Variants in RDX observed in about 807,000 individuals in gnomAD.
The protein encoded by RDX is radixin, also known as deafness, autosomal recessive 24.
Under a neutral mutation model 83.7 loss-of-function variants are expected in RDX, and 32 were observed. The observed-to-expected ratio is 0.38, with a 90% CI of 0.29 to 0.51. RDX has a LOEUF of 0.51. RDX is among the 20% of genes least tolerant of loss of function. The pLI, the probability that RDX is intolerant of heterozygous loss-of-function variation, is 0.87. For synonymous variants in RDX, 229 were observed against 222.7 expected (o/e 1.03, Z -0.25); for missense variants, 600 against 689.9 (o/e 0.87, Z 1.46).
At chr11:110,270,831 T>C (rs1224977170) in intron 3 of RDX, among the ~76,000 whole-genome samples, 1 of 152,250 alleles carries the variant, frequency 6.6e-6, no homozygotes, top group Non-Finnish European at 1.5e-5. Flanking sequence ...CCAAAGAGGA[T>C]AACTTGCTGA....
At chr11:110,252,277 T>C (rs142489364) in intron 9 of RDX, among the ~76,000 whole-genome samples, 1 of 152,284 alleles carries the variant, frequency 6.6e-6, no homozygotes, top group East Asian at 1.9e-4. Context: ...TCCACTTCCA[T>C]CTAAGCCTTA....
At chr11:110,294,484 T>C (rs1861365879) in intron 1 of RDX, among the ~76,000 whole-genome samples, 1 of 152,118 alleles carries the variant, frequency 6.6e-6, no homozygotes, top group African/African-American at 2.4e-5. Flanking sequence ...AAAGTGACCT[T>C]GATGGACAGT....
At chr11:110,240,939 T>C (rs1258563690) in intron 10 of RDX, among the ~76,000 whole-genome samples, 2 of 138,076 alleles carry the variant, frequency 1.4e-5, no homozygotes, top group Non-Finnish European at 1.6e-5. Context: ...GCCTGTAACC[T>C]CAGCTACTCA....
intron 15 of RDX, among the ~76,000 whole-genome samples, chr11:110,189,708 C>T (rs999783434): frequency 1.3e-5 from 2 of 152,196 alleles, no homozygotes; most frequent in Non-Finnish European, 2.9e-5. Context: ...GAAGATCTCT[C>T]AAAACCACAC....
At chr11:110,255,561 T>C (rs1859508959) in intron 7 of RDX, among the ~76,000 whole-genome samples, 176 bp from the exon 8 acceptor site, 1 of 152,148 alleles carries the variant, frequency 6.6e-6, no homozygotes, top group Non-Finnish European at 1.5e-5. Context: ...ATAAATCATA[T>C]AAAACAAACA....
chr11:110,196,314 T>C (rs1863207997), intron 15 of RDX: 1 of 152,170 alleles, frequency 6.6e-6, no homozygotes, highest in African/African-American at 2.4e-5. Flanking sequence ...TCATGGTTAG[T>C]TGATGGTTGA....
chr11:110,234,709 A>G (rs1277767480), intron 12 of RDX, among the ~76,000 whole-genome samples: 2 of 152,208 alleles, frequency 1.3e-5, no homozygotes, highest in Non-Finnish European at 2.9e-5. Flanking sequence ...ATAAACAAGT[A>G]GAGTAACTGG....
At chr11:110,256,072 A>T (rs1859535240) in intron 7 of RDX, among the ~76,000 whole-genome samples, 1 of 152,168 alleles carries the variant, frequency 6.6e-6, no homozygotes, top group Non-Finnish European at 1.5e-5. Flanking sequence ...TATTGGAATA[A>T]GTGATTTTGT....
At chr11:110,218,287 T>C (rs758115497) in intron 14 of RDX, among the ~76,000 whole-genome samples, 2 of 152,232 alleles carry the variant, frequency 1.3e-5, no homozygotes, top group Admixed American at 6.5e-5. Flanking sequence ...ACAACTACTC[T>C]AACTCAAAGA....
chr11:110,224,575 T>C (rs1241274567), downstream of RDX, among the ~76,000 whole-genome samples: 1 of 152,186 alleles, frequency 6.6e-6, no homozygotes, highest in Non-Finnish European at 1.5e-5. Flanking sequence ...CCAAATCCAT[T>C]TGTTCTTGCA....
chr11:110,263,588 C>T (rs1591164621), intron 5 of RDX, among the ~76,000 whole-genome samples: 1 of 149,986 alleles, frequency 6.7e-6, no homozygotes, highest in South Asian at 2.1e-4. Context: ...AGGCCAGGTG[C>T]GGTGGCTCAT....
Position 110,189,273 on chromosome 11 carries a change from AGGGCATTACAT to A in RDX, c.*31+10297_*31+10307del, listed in dbSNP as rs1488506202. ...AAAAAAAAAAAAAAAAAAAAAGACA[AGGGCATTACAT>A]AATGACAAAGGGATCAATTCAACAA... On this transcript the variant is annotated intron_variant, in intron 15 of 15. Transcript: ENST00000528498. 2.9e-3 allele frequency among the ~76,000 whole-genome samples: 419 copies of A among 145,386 alleles called. 10 individuals carry two copies. The highest frequency in any genetic ancestry group is 0.011 in the African/African-American group (392 of 37,156).
At chr11:110,181,164 CTTTTT>C (rs34297768) in intron 15 of RDX, among the ~76,000 whole-genome samples, 2 of 142,974 alleles carry the variant, frequency 1.4e-5, no homozygotes, top group Non-Finnish European at 1.5e-5. Context: ...AGGGCTGCAT[CTTTTT>C]TTTTTTTTTT....
At chr11:110,263,719 A>G (rs911791820) in intron 5 of RDX, among the ~76,000 whole-genome samples, 2 of 151,846 alleles carry the variant, frequency 1.3e-5, no homozygotes, top group Non-Finnish European at 2.9e-5. Context: ...TAAAAAAAAA[A>G]TTAGCGGACA....
intron 15 of RDX, among the ~76,000 whole-genome samples, chr11:110,186,779 G>A (rs1862997343): frequency 6.6e-6 from 1 of 152,164 alleles, no homozygotes; most frequent in African/African-American, 2.4e-5. Context: ...ACGGAAAAGT[G>A]GCAGATATTT....
chr11:110,280,134 C>T (rs1339104418), intron 1 of RDX, among the ~76,000 whole-genome samples: 2 of 152,128 alleles, frequency 1.3e-5, no homozygotes, highest in Admixed American at 1.3e-4. Context: ...CAGATGGATT[C>T]AGACTCTGAA....
chr11:110,209,710 A>AC (rs1177911672), intron 14 of RDX, among the ~76,000 whole-genome samples: 6 of 144,966 alleles, frequency 4.1e-5, no homozygotes, highest in African/African-American at 1.5e-4. Flanking sequence ...ACTGGGAGGC[A>AC]CCCCCCAGCA....
chr11:110,249,208 T>G lies in RDX; in HGVS notation c.960-1375A>C, dbSNP rs1269559542. ...AATCACTACTTTAATAACTTAAAAA[T>G]CAGTTATGATTTCATCTCTGAAATT... On this transcript the variant is annotated intron_variant, in intron 9 of 13. Coordinates refer to ENST00000645495, the MANE Select transcript of RDX (RefSeq NM_002906.4). Among the ~76,000 whole-genome samples, 7 of 152,340 alleles carry G rather than the reference T, an allele frequency of 4.6e-5. No homozygotes were observed. In the East Asian group the frequency reaches 1.3e-3, roughly 29 times the overall value.
At chr11:110,264,719 A>C in intron 4 of RDX, 60 bp downstream of exon 4, 2 of 1,266,836 alleles carry the variant, frequency 1.6e-6, no homozygotes, top group African/African-American at 3.0e-5. Flanking sequence ...CTTTTCCAGC[A>C]CAAATTCATA....
Sources: allele counts gnomAD v4.1 joint callset (sites outside exome capture counted in the v4.1 genomes callset), GRCh38; gene constraint gnomAD v4.1.1; transcripts MANE v1.5; gene names NCBI Gene and HGNC (gene_info 2026-07-23, HGNC 2026-07-21).